The following GRM7 variants were observed in gnomAD, a reference collection of about 807,000 sequenced individuals.
The protein encoded by GRM7 is glutamate metabotropic receptor 7, also known as metabotropic glutamate receptor 7.
A neutral mutation model predicts 84.5 loss-of-function variants in GRM7; 35 were observed. The observed-to-expected ratio is 0.41, with a 90% CI of 0.32 to 0.55. The LOEUF (loss-of-function observed/expected upper bound fraction) is 0.55, where lower values mean the gene tolerates loss of function less well. Ranked by LOEUF, GRM7 falls within the 20% of genes least tolerant of loss-of-function variation. The pLI is 0.19. For missense variants in GRM7, 1,003 were observed against 1,194.6 expected (o/e 0.84, Z 2.36); for synonymous variants, 487 against 455.1 (o/e 1.07, Z -0.89).
chr3:7,646,414 G>A (rs559136485), intron 8 of GRM7, among the ~76,000 whole-genome samples: 30 of 151,940 alleles, frequency 2.0e-4, no homozygotes, highest in African/African-American at 6.5e-4. Flanking sequence ...GGCTGGTCTC[G>A]AACTCCTGAC....
At chr3:7,148,952 AG>A (rs1694193373) in intron 2 of GRM7, among the ~76,000 whole-genome samples, 2 of 152,150 alleles carry the variant, frequency 1.3e-5, no homozygotes, top group Non-Finnish European at 2.9e-5. Flanking sequence ...AATAATAAGT[AG>A]TATGGTATTT....
chr3:6,939,339 A>G lies in GRM7; in HGVS notation c.519+77432A>G, dbSNP rs997015904. 2.0e-5 allele frequency among the ~76,000 whole-genome samples: 3 copies of G among 152,152 alleles called. No homozygotes were observed. The East Asian group carries it at 5.8e-4, about 29-fold the overall frequency. ...AATAAATCTGATTCTTCACATACAG[A>G]ATACTTTGTCTTGACTTCATAGGAT... On this transcript the variant is annotated intron_variant, in intron 1 of 9. Transcript: ENST00000357716.
chr3:7,235,895 T>G (rs1235371523), intron 2 of GRM7, among the ~76,000 whole-genome samples: 1 of 152,214 alleles, frequency 6.6e-6, no homozygotes, highest in Non-Finnish European at 1.5e-5. Context: ...AGGTACTGTC[T>G]TAGTTTGTGC....
chr3:7,391,020 G>C (rs1316310905), intron 4 of GRM7, among the ~76,000 whole-genome samples: 1 of 151,880 alleles, frequency 6.6e-6, no homozygotes, highest in East Asian at 1.9e-4. Flanking sequence ...GCTATCATTT[G>C]GATGTGGCTT....
chr3:7,629,269 T>A (rs1358784262), intron 8 of GRM7, among the ~76,000 whole-genome samples: 1 of 152,208 alleles, frequency 6.6e-6, no homozygotes, highest in Non-Finnish European at 1.5e-5. Flanking sequence ...GAGTTGTATA[T>A]TAGTCAGCTC....
chr3:7,269,160 G>A (rs1489743185), intron 2 of GRM7, among the ~76,000 whole-genome samples: 1 of 152,196 alleles, frequency 6.6e-6, no homozygotes, highest in African/African-American at 2.4e-5. Flanking sequence ...TTCCATCGAA[G>A]CACTGTTTTG....
At chr3:6,991,745 T>C (rs1054256535) in intron 1 of GRM7, among the ~76,000 whole-genome samples, 1 of 152,238 alleles carries the variant, frequency 6.6e-6, no homozygotes, top group Admixed American at 6.5e-5. Context: ...AACACATCCA[T>C]TCTGTTAGTT....
At chr3:6,987,999 T>G (rs866916052) in intron 1 of GRM7, among the ~76,000 whole-genome samples, 1,784 of 147,718 alleles carry the variant, frequency 0.012, 35 homozygotes, top group African/African-American at 0.042. Context: ...CTCTAGCTTT[T>G]TTTTTTTTTT....
At chr3:7,523,610 G>A (rs1158320628) in intron 7 of GRM7, among the ~76,000 whole-genome samples, 1 of 152,078 alleles carries the variant, frequency 6.6e-6, no homozygotes, top group African/African-American at 2.4e-5. Flanking sequence ...GAGCAAATCT[G>A]GGAAGACTAC....
chr3:6,904,110 T>A (rs540685546), intron 1 of GRM7, among the ~76,000 whole-genome samples: 50 of 152,320 alleles, frequency 3.3e-4, no homozygotes, highest in African/African-American at 1.2e-3. Context: ...AAATCTATAA[T>A]TTTAATGTAG....
At chr3:7,268,899 G>C (rs1406529685) in intron 2 of GRM7, among the ~76,000 whole-genome samples, 3 of 152,156 alleles carry the variant, frequency 2.0e-5, no homozygotes, top group Admixed American at 1.3e-4. Context: ...CAGGAGCTCA[G>C]TCCAAACCAA....
At chr3:7,441,487 T>C (rs559324047) in intron 5 of GRM7, among the ~76,000 whole-genome samples, 18 of 152,312 alleles carry the variant, frequency 1.2e-4, no homozygotes, top group African/African-American at 4.1e-4. Context: ...AGAAGCTCTT[T>C]AGTATAAATA....
At chr3:7,437,569 C>G (rs1697110039) in intron 5 of GRM7, among the ~76,000 whole-genome samples, 2 of 152,068 alleles carry the variant, frequency 1.3e-5, no homozygotes, top group African/African-American at 4.8e-5. Context: ...TGGTCTTCTT[C>G]ATTTCTTAAC....
At chr3:7,284,245 G>C (rs1482615765) in intron 2 of GRM7, among the ~76,000 whole-genome samples, 1 of 151,652 alleles carries the variant, frequency 6.6e-6, no homozygotes, top group Non-Finnish European at 1.5e-5. Flanking sequence ...AGAGTGTTTG[G>C]CTTCAGGAGT....
Position 7,415,134 on chromosome 3 carries a change from A to G in GRM7, c.1145A>G (p.Lys382Arg), listed in dbSNP as rs775603544. 6 of 1,613,262 alleles carry G rather than the reference A, an allele frequency of 3.7e-6. No homozygotes were observed. Among genetic ancestry groups the G allele is most frequent in the Non-Finnish European group, 5.1e-6 (6 of 1,179,286 alleles). Residue 382 changes from lysine to arginine, a missense_variant, in exon 5 of 10, where the codon AAA becomes AGA. Transcript: ENST00000357716. ...FNCKLTISGS[K>R]KEDTDRKCTG... Reference sequence around the variant, plus strand: ...TGCAAGTTGACGATTAGTGGGTCAAAAAAAGAAGACACAGATCGCAAATGC... The same window carrying G: ...TGCAAGTTGACGATTAGTGGGTCAAGAAAAGAAGACACAGATCGCAAATGC...
intron 1 of GRM7, among the ~76,000 whole-genome samples, chr3:6,870,423 G>T (rs1056867247): frequency 6.6e-6 from 1 of 152,182 alleles, no homozygotes; most frequent in Admixed American, 6.5e-5. Context: ...GGCCATTGTG[G>T]CTGAGTAGAG....
At chr3:7,145,210 A>G (rs1016727888) in intron 1 of GRM7, among the ~76,000 whole-genome samples, 3 of 152,162 alleles carry the variant, frequency 2.0e-5, no homozygotes, top group East Asian at 1.9e-4. Context: ...GAAAAGATCA[A>G]CTGGCCTTTG....
At chr3:7,242,344 T>C (rs1697591691) in intron 2 of GRM7, among the ~76,000 whole-genome samples, 1 of 152,206 alleles carries the variant, frequency 6.6e-6, no homozygotes, top group Admixed American at 6.5e-5. Context: ...ATTTGGTTCA[T>C]CAGAAAATGA....
At chr3:6,888,877 T>C (rs567561129) in intron 1 of GRM7, among the ~76,000 whole-genome samples, 1 of 152,200 alleles carries the variant, frequency 6.6e-6, no homozygotes, top group Non-Finnish European at 1.5e-5. Context: ...TGGAATGTTC[T>C]TCTATTTGTT....
Sources: allele counts gnomAD v4.1 joint callset (sites outside exome capture counted in the v4.1 genomes callset), GRCh38; gene constraint gnomAD v4.1.1; transcripts MANE v1.5; gene names NCBI Gene and HGNC (gene_info 2026-07-23, HGNC 2026-07-21).